The following CNGB3 variants were observed in gnomAD, a reference collection of about 807,000 sequenced individuals.
CNGB3 encodes cyclic nucleotide gated channel subunit beta 3.
Under a neutral mutation model 92.8 loss-of-function variants are expected in CNGB3, and 86 were observed. The observed-to-expected ratio is 0.93, with a 90% CI of 0.78 to 1.11. CNGB3 has a LOEUF of 1.11. CNGB3 is among the 50% of genes least tolerant of loss of function. CNGB3 has a pLI of 0.00. For missense variants in CNGB3, 1,026 were observed against 956.8 expected, an observed-to-expected ratio of 1.07 and a Z score of -0.95; for synonymous variants, 333 against 332.7, an observed-to-expected ratio of 1.00 and a Z score of -0.01.
chr8:86,723,654 A>AAGCTGATACTGG (rs1825011620), intron 3 of CNGB3, among the ~76,000 whole-genome samples: 1 of 152,134 alleles, frequency 6.6e-6, no homozygotes. Flanking sequence ...ATTTTAGTCA[A>AAGCTGATACTGG]AGCTGATACT....
At position 86,739,723 on chromosome 8, in the gene CNGB3, C is replaced by T. The variant is rs766600503; in HGVS notation, c.143G>A (p.Gly48Asp). ...QQTTAQEENK[G>D]EEKSLKTKST... ...CTTGGTTTTGAGAGATTTCTCTTCA[C>T]CTTTGTTTTCTTCCTTTGAGAAAAA... is the stretch of plus-strand genomic sequence containing the variant. The change falls in exon 2 of 18, where the codon GGT becomes GAT. Residue 48 changes from glycine (G) to aspartate (D), a missense_variant. By Grantham distance (94) the Gly-to-Asp change is moderately conservative. Coordinates refer to ENST00000320005, the MANE Select transcript of CNGB3 (RefSeq NM_019098.5). 8 of 1,610,112 alleles carry T rather than the reference C, an allele frequency of 5.0e-6. No homozygotes were observed. In the East Asian group the frequency reaches 1.1e-4, roughly 23 times the overall value.
At chr8:86,700,028 G>A (rs1362026444) in intron 3 of CNGB3, among the ~76,000 whole-genome samples, 1 of 151,862 alleles carries the variant, frequency 6.6e-6, no homozygotes, top group Non-Finnish European at 1.5e-5. Flanking sequence ...TGTTTAACAT[G>A]TTCAATTTCT....
chr8:86,715,060 C>G (rs986604408), intron 3 of CNGB3, among the ~76,000 whole-genome samples: 3 of 152,206 alleles, frequency 2.0e-5, no homozygotes, highest in Non-Finnish European at 4.4e-5. Context: ...TTTACCCACT[C>G]CGTTTGCTGA....
intron 15 of CNGB3, among the ~76,000 whole-genome samples, chr8:86,599,167 T>C (rs908783155): frequency 6.6e-6 from 1 of 152,264 alleles, no homozygotes; most frequent in Non-Finnish European, 1.5e-5. Flanking sequence ...AATACTTTTA[T>C]AATTTCTTAT....
intron 7 of CNGB3, among the ~76,000 whole-genome samples, chr8:86,652,545 T>C (rs1823427009): frequency 6.6e-6 from 1 of 152,038 alleles, no homozygotes; most frequent in African/African-American, 2.4e-5. Flanking sequence ...TTTCATTATA[T>C]ATGTATTATA....
At chr8:86,738,716 G>C (rs1006634237) in intron 2 of CNGB3, among the ~76,000 whole-genome samples, 7 of 152,016 alleles carry the variant, frequency 4.6e-5, no homozygotes, top group Non-Finnish European at 7.4e-5. Context: ...GTGTGCACCT[G>C]TAGTCCCAGC....
Position 86,611,553 on chromosome 8 carries a change from A to G in CNGB3, c.1662+35T>C, listed in dbSNP as rs762516971. 5 of 1,498,402 alleles carry G rather than the reference A, an allele frequency of 3.3e-6. No individual in the cohort carries two copies. The African/African-American group carries it at 5.5e-5, about 17-fold the overall frequency. The allele number at this position is 1,498,402 out of a possible 1,614,324, so 92.8% of individuals were successfully genotyped here. On this transcript the variant is annotated intron_variant, in intron 14 of 17. Transcript: ENST00000320005. ...ATGTCCGAAATCCTCAAATGCATTT[A>G]TTAGTTGTGCATTTGAAAAATAGCA... is the stretch of plus-strand genomic sequence containing the variant.
At chr8:86,739,812 T>C in intron 1 of CNGB3, 76 bp from the exon 2 acceptor site, 1 of 1,486,314 alleles carries the variant, frequency 6.7e-7, no homozygotes, top group Non-Finnish European at 9.3e-7. Flanking sequence ...ATAACACCAT[T>C]TTCCACTTAA....
intron 3 of CNGB3, among the ~76,000 whole-genome samples, chr8:86,689,125 G>A (rs866090228): frequency 6.7e-6 from 1 of 150,112 alleles, no homozygotes; most frequent in African/African-American, 2.5e-5. Flanking sequence ...ATTCCATTGT[G>A]GTCAGAGAAG....
At chr8:86,657,802 T>G (rs1823542850) in intron 6 of CNGB3, 2 of 500,796 alleles carry the variant, frequency 4.0e-6, no homozygotes, top group Non-Finnish European at 8.0e-6. Flanking sequence ...GCCAGGCTGC[T>G]GATGTATTCC....
intron 3 of CNGB3, among the ~76,000 whole-genome samples, chr8:86,719,027 A>G (rs192303533): frequency 2.6e-5 from 4 of 152,164 alleles, no homozygotes; most frequent in Non-Finnish European, 1.5e-5. Context: ...ACCTTAAGGT[A>G]ATAAAAGCCA....
At position 86,604,114 on chromosome 8, in the gene CNGB3, C is replaced by A; in HGVS notation, c.1760G>T (p.Gly587Val). Residue 587 changes from glycine to valine, a missense_variant, in exon 15 of 18, where the codon GGG (glycine) becomes GTG (valine). Gly to Val is a moderately radical substitution (Grantham distance 109). Coordinates refer to ENST00000320005, the MANE Select transcript of CNGB3 (RefSeq NM_019098.5). Reference protein sequence around the residue: ...GTKVLVTLKAGSVFGEISLLA... With the variant: ...GTKVLVTLKAVSVFGEISLLA... ...ATACCTGATTTCTCCAAACACCGAC[C>A]CAGCTTTCAGAGTAACCAGAACTTT... 6.2e-7 allele frequency: 1 copy of A among 1,612,476 alleles called. No homozygotes were observed. The highest frequency in any genetic ancestry group is 8.5e-7 in the Non-Finnish European group (1 of 1,178,624).
intron 10 of CNGB3, among the ~76,000 whole-genome samples, chr8:86,639,540 T>C (rs1051907570): frequency 6.6e-6 from 1 of 152,046 alleles, no homozygotes; most frequent in Non-Finnish European, 1.5e-5. Flanking sequence ...TCTAACTAGG[T>C]CAAAATTTGC....
chr8:86,669,946 G>A (rs762575980), intron 4 of CNGB3, among the ~76,000 whole-genome samples: 3 of 151,980 alleles, frequency 2.0e-5, no homozygotes, highest in Non-Finnish European at 4.4e-5. Flanking sequence ...TGCCTCCTGG[G>A]TTCAAGCGAT....
chr8:86,646,102 T>C (rs1211714161), intron 8 of CNGB3, among the ~76,000 whole-genome samples: 1 of 151,130 alleles, frequency 6.6e-6, no homozygotes, highest in Non-Finnish European at 1.5e-5. Flanking sequence ...TTTATCATAA[T>C]GCCAGATAAA....
At position 86,670,972 on chromosome 8, in the gene CNGB3, G is replaced by C. The variant is rs952359637; in HGVS notation, c.465C>G (p.Leu155=). ...TTTGTGGGCTGGCTTCGGGTGAGGAGAGATCTCCCTCTACCAACTTTTTCT... is the reference window on the plus strand; with the variant it reads ...TTTGTGGGCTGGCTTCGGGTGAGGACAGATCTCCCTCTACCAACTTTTTCT... ...LYKKKLVEGD[L]SSPEASPQTA... is the part of the protein sequence containing the mutation. The change falls in exon 4 of 18, where the codon CTC becomes CTG. Residue 155 remains leucine, a synonymous_variant. Transcript: ENST00000320005. The C allele has an allele frequency of 1.2e-6, 2 of 1,612,530 alleles. No homozygotes were observed. The highest frequency in any genetic ancestry group is 2.7e-5 in the African/African-American group (2 of 74,864).
intron 3 of CNGB3, among the ~76,000 whole-genome samples, chr8:86,715,801 A>G (rs1824841641): frequency 7.4e-6 from 1 of 134,658 alleles, no homozygotes; most frequent in South Asian, 2.5e-4. Context: ...CAGGAAGGGG[A>G]ACATCACACA....
chr8:86,709,483 T>C (rs1824710883), intron 3 of CNGB3, among the ~76,000 whole-genome samples: 1 of 152,170 alleles, frequency 6.6e-6, no homozygotes. Context: ...AGTTGCAATA[T>C]GAACAGCTGC....
chr8:86,589,538 G>A (rs191432164), intron 15 of CNGB3, among the ~76,000 whole-genome samples: 2,698 of 151,988 alleles, frequency 0.018, 74 homozygotes, highest in African/African-American at 0.062. Context: ...GGTATGTTGC[G>A]TCTTTGTTCT....
Sources: gnomAD v4.1 joint callset for allele counts (sites outside exome capture counted in the v4.1 genomes callset) on GRCh38, gnomAD v4.1.1 for gene constraint, MANE v1.5 for transcripts, NCBI Gene and HGNC (gene_info 2026-07-23, HGNC 2026-07-21) for gene names.